NOL4: variants seen among roughly 807,000 people sequenced by gnomAD.
NOL4 encodes the protein nucleolar protein 4.
NOL4 carries 17 observed loss-of-function variants against 75.9 expected under a neutral mutation model. The observed-to-expected ratio is 0.22, with a 90% CI of 0.15 to 0.34. The LOEUF (loss-of-function observed/expected upper bound fraction) is 0.34, where lower values mean the gene tolerates loss of function less well. Among genes scored for constraint, NOL4 ranks in the 10% least tolerant of loss-of-function variants. The pLI, the probability that NOL4 is intolerant of heterozygous loss-of-function variation, is 1.00. For synonymous variants in NOL4, 292 were observed against 289.9 expected, an observed-to-expected ratio of 1.01 and a Z score of -0.07; for missense variants, 614 against 793.5, an observed-to-expected ratio of 0.77 and a Z score of 2.72.
At chr18:34,105,225 G>C in intron 2 of NOL4, 65 bp from the exon 3 acceptor site, 2 of 1,077,766 alleles carry the variant, frequency 1.9e-6, no homozygotes, top group Non-Finnish European at 2.9e-6. Context: ...TAACAGAAAT[G>C]ATCATTGTAT....
At chr18:34,046,616 A>ATATATATATATATATATATATATATATG (rs1568268764) in intron 5 of NOL4, among the ~76,000 whole-genome samples, 5 of 116,368 alleles carry the variant, frequency 4.3e-5, no homozygotes, top group Non-Finnish European at 9.8e-5. Flanking sequence ...ACATATATAT[A>ATATATATATATATATATATATATATATG]TATATATATA....
chr18:34,109,153 T>C (rs2079462650), intron 2 of NOL4, among the ~76,000 whole-genome samples: 1 of 151,584 alleles, frequency 6.6e-6, no homozygotes, highest in South Asian at 2.1e-4. Context: ...ACACAACATA[T>C]CAAAACTTAT....
intron 1 of NOL4, among the ~76,000 whole-genome samples, chr18:34,137,389 C>A (rs368400460): frequency 6.6e-6 from 1 of 151,940 alleles, no homozygotes. Flanking sequence ...AAATCATATA[C>A]CTAATAAAGG....
chr18:33,883,128 G>A, intron 10 of NOL4, 116 bp downstream of exon 10: 1 of 684,468 alleles, frequency 1.5e-6, no homozygotes. Flanking sequence ...AGTGGGTGCA[G>A]CGCACCAGCA....
At chr18:34,025,007 A>C (rs1757892975) in intron 5 of NOL4, among the ~76,000 whole-genome samples, 1 of 152,196 alleles carries the variant, frequency 6.6e-6, no homozygotes, top group South Asian at 2.1e-4. Context: ...ACGCAATTAA[A>C]GGAGGCAACT....
chr18:34,192,685 T>A (rs1031346771), intron 1 of NOL4, among the ~76,000 whole-genome samples: 8 of 152,182 alleles, frequency 5.3e-5, no homozygotes, highest in African/African-American at 1.7e-4. Context: ...TAGGCCCATA[T>A]CTCACACTGC....
intron 2 of NOL4, among the ~76,000 whole-genome samples, chr18:34,119,779 G>C (rs1312144166): frequency 6.6e-6 from 1 of 151,840 alleles, no homozygotes; most frequent in South Asian, 2.1e-4. Flanking sequence ...CCGCCACCAC[G>C]CCTGGCTAAT....
At chr18:34,215,958 C>T (rs2036857686) in intron 1 of NOL4, among the ~76,000 whole-genome samples, 1 of 152,044 alleles carries the variant, frequency 6.6e-6, no homozygotes, top group Admixed American at 6.5e-5. Flanking sequence ...CTAGATTATG[C>T]AGTTTATCTG....
At chr18:34,212,517 A>C (rs1229089971) in intron 1 of NOL4, among the ~76,000 whole-genome samples, 1 of 152,212 alleles carries the variant, frequency 6.6e-6, no homozygotes. Flanking sequence ...AATTACCACA[A>C]ATTGAATGGC....
intron 1 of NOL4, among the ~76,000 whole-genome samples, chr18:34,171,032 A>C (rs933103800): frequency 6.6e-6 from 1 of 152,202 alleles, no homozygotes; most frequent in African/African-American, 2.4e-5. Flanking sequence ...GAGGGAATAA[A>C]TATTTGAGGC....
chr18:34,025,791 G>T (rs569700307), intron 5 of NOL4, among the ~76,000 whole-genome samples: 21 of 152,254 alleles, frequency 1.4e-4, no homozygotes, highest in African/African-American at 4.8e-4. Flanking sequence ...TGTTTTGGGA[G>T]TTTGTGCGGA....
intron 4 of NOL4, among the ~76,000 whole-genome samples, chr18:34,100,534 A>C (rs2078998391): frequency 6.6e-6 from 1 of 152,178 alleles, no homozygotes; most frequent in Non-Finnish European, 1.5e-5. Context: ...ATTTGACATA[A>C]TACATTACTG....
At chr18:33,929,142 T>C (rs1318237076) in intron 9 of NOL4, among the ~76,000 whole-genome samples, 1 of 152,150 alleles carries the variant, frequency 6.6e-6, no homozygotes, top group Non-Finnish European at 1.5e-5. Context: ...CACTCCTCTC[T>C]AGCATGTACT....
Position 33,934,027 on chromosome 18 carries a change from A to T in NOL4, c.1542+9038T>A, listed in dbSNP as rs996073739. Among the ~76,000 whole-genome samples, 12 of 152,112 alleles carry T rather than the reference A, an allele frequency of 7.9e-5. No homozygotes were observed. In the East Asian group the frequency reaches 2.3e-3, roughly 29 times the overall value. On this transcript the variant is annotated intron_variant, in intron 9 of 10. Coordinates refer to ENST00000261592, the MANE Select transcript of NOL4 (RefSeq NM_003787.5). ...AAAGTATGATTACTCCTTCATCCAT[A>T]GGTTGCAGAATGGGTGTTGGTTAGC...
chr18:34,148,806 G>A (rs1298038109), intron 1 of NOL4, among the ~76,000 whole-genome samples: 2 of 151,666 alleles, frequency 1.3e-5, no homozygotes, highest in East Asian at 1.9e-4. Flanking sequence ...ATATTGACAG[G>A]GGGGTATTAA....
chr18:33,875,124 T>C (rs902465235), intron 10 of NOL4, among the ~76,000 whole-genome samples: 1 of 152,046 alleles, frequency 6.6e-6, no homozygotes, highest in South Asian at 2.1e-4. Flanking sequence ...GAAACATCAG[T>C]AGTTAACTTA....
intron 2 of NOL4, among the ~76,000 whole-genome samples, chr18:34,112,097 G>A (rs546828761): frequency 8.5e-5 from 13 of 152,070 alleles, no homozygotes; most frequent in Admixed American, 6.5e-4. Flanking sequence ...GGCCAGGTAC[G>A]GTGGCCCACA....
chr18:34,128,841 ATAGGTACCTG>A, intron 2 of NOL4: 1 of 975,226 alleles, frequency 1.0e-6, no homozygotes, highest in Non-Finnish European at 1.2e-6. Flanking sequence ...ATTTTCAAAC[ATAGGTACCTG>A]TATTTGAAAC....
chr18:33,899,860 T>C (rs753692263), intron 9 of NOL4, among the ~76,000 whole-genome samples: 15 of 152,124 alleles, frequency 9.9e-5, no homozygotes, highest in Admixed American at 2.0e-4. Flanking sequence ...CCCTGGGCTA[T>C]ATGTTTTAAA....
Sources: allele counts gnomAD v4.1 joint callset (sites outside exome capture counted in the v4.1 genomes callset), GRCh38; gene constraint gnomAD v4.1.1; transcripts MANE v1.5; gene names NCBI Gene and HGNC (gene_info 2026-07-23, HGNC 2026-07-21).